PAPSS1: variants seen among roughly 807,000 people sequenced by gnomAD.
PAPSS1 encodes the protein bifunctional 3'-phosphoadenosine 5'-phosphosulfate synthase 1.
PAPSS1 carries 50 observed loss-of-function variants against 72.0 expected under a neutral mutation model. The observed-to-expected ratio is 0.69, with a 90% CI of 0.55 to 0.88. The LOEUF is 0.88. Ranked by LOEUF, PAPSS1 falls within the 40% of genes least tolerant of loss-of-function variation. The pLI is 0.00. For missense variants in PAPSS1, 657 were observed against 782.2 expected, an observed-to-expected ratio of 0.84 and a Z score of 1.91; for synonymous variants, 261 against 263.6, an observed-to-expected ratio of 0.99 and a Z score of 0.09.
chr4:107,656,082 T>C (rs930289877), intron 7 of PAPSS1, among the ~76,000 whole-genome samples: 3 of 152,332 alleles, frequency 2.0e-5, no homozygotes, highest in Middle Eastern at 3.4e-3. Context: ...TGCTGCATTA[T>C]AATGATTATA....
intron 10 of PAPSS1, among the ~76,000 whole-genome samples, chr4:107,639,690 T>C (rs2110308131): frequency 6.6e-6 from 1 of 152,306 alleles, no homozygotes; most frequent in Non-Finnish European, 1.5e-5. Context: ...AAGTAAAACT[T>C]AGGTGTCTAT....
chr4:107,664,099 A>C (rs2110325488), intron 5 of PAPSS1, among the ~76,000 whole-genome samples: 1 of 152,298 alleles, frequency 6.6e-6, no homozygotes, highest in African/African-American at 2.4e-5. Flanking sequence ...ATGAGCCTCC[A>C]TTTCCAATGC....
chr4:107,719,507 T>C (rs1194090404), intron 1 of PAPSS1, among the ~76,000 whole-genome samples: 1 of 152,230 alleles, frequency 6.6e-6, no homozygotes, highest in Admixed American at 6.5e-5. Flanking sequence ...TCCAAACTCC[T>C]ACTTGTTAAA....
intron 11 of PAPSS1, among the ~76,000 whole-genome samples, chr4:107,624,435 A>T (rs544395257): frequency 1.3e-5 from 2 of 152,310 alleles, no homozygotes; most frequent in South Asian, 4.1e-4. Context: ...GCCTGTTTCC[A>T]ACTATAGTAC....
At chr4:107,619,180 T>C (rs974945114) in intron 11 of PAPSS1, among the ~76,000 whole-genome samples, 29 of 152,172 alleles carry the variant, frequency 1.9e-4, no homozygotes, top group African/African-American at 6.8e-4. Flanking sequence ...GCCAGACCAA[T>C]TAAAGTCCTT....
chr4:107,663,854 A>T (rs1281551079), intron 5 of PAPSS1, among the ~76,000 whole-genome samples: 1 of 152,214 alleles, frequency 6.6e-6, no homozygotes, highest in African/African-American at 2.4e-5. Context: ...TATAGTTGAG[A>T]AGTATTGAAA....
intron 10 of PAPSS1, among the ~76,000 whole-genome samples, chr4:107,634,764 C>T (rs761953704): frequency 1.3e-5 from 2 of 148,422 alleles, no homozygotes; most frequent in Admixed American, 1.3e-4. Context: ...AAAAAATATT[C>T]ACAAGATCTA....
In PAPSS1 at chr4:107,631,671, T is replaced by C. The variant is rs967898635; in HGVS notation, c.1696A>G (p.Asn566Asp). ...TAGTCCATACGCTTCTTTTTCTTGT[T>C]GTAAGCTGCAACTCGAAAGGGAACT... ...EIVPFRVAAY[N>D]KKKKRMDYYD... The change falls in exon 11 of 12, where the codon AAC becomes GAC. Residue 566 changes from asparagine (N) to aspartate (D), a missense_variant. Asn to Asp is a conservative substitution (Grantham distance 23, BLOSUM62 1). Coordinates refer to ENST00000265174, the MANE Select transcript of PAPSS1 (RefSeq NM_005443.5). The C allele has an allele frequency of 2.5e-6, 4 of 1,614,098 alleles. No individual in the cohort carries two copies. The African/African-American group carries it at 5.3e-5, about 22-fold the overall frequency.
rs1439762557 is a variant in PAPSS1, at chr4:107,653,639, A to G, written c.1102-13T>C. ...GTTCCATCACCATCTAATAGGAAAA[A>G]CAAATTTTTTTAATGGAAACCGAGA... On this transcript the variant is annotated splice_polypyrimidine_tract_variant and intron_variant, in intron 8 of 11. Coordinates refer to ENST00000265174, the MANE Select transcript of PAPSS1 (RefSeq NM_005443.5). The G allele has an allele frequency of 1.2e-6, 2 of 1,606,126 alleles. No individual in the cohort carries two copies. Among genetic ancestry groups the G allele is most frequent in the South Asian group, 2.2e-5 (2 of 89,110 alleles).
chr4:107,655,571 T>A (rs981943977), intron 7 of PAPSS1, among the ~76,000 whole-genome samples: 8 of 152,262 alleles, frequency 5.3e-5, no homozygotes, highest in Non-Finnish European at 8.8e-5. Flanking sequence ...ATCTTTTTTC[T>A]ACTCATCATC....
At chr4:107,631,602 A>T in intron 11 of PAPSS1, 29 bp downstream of exon 11, 5 of 1,517,276 alleles carry the variant, frequency 3.3e-6, no homozygotes, top group Non-Finnish European at 4.5e-6. Context: ...AAGTACTTCA[A>T]AGATTTGTAC....
At chr4:107,672,567 T>C (rs1218896297) in intron 5 of PAPSS1, among the ~76,000 whole-genome samples, 2 of 152,172 alleles carry the variant, frequency 1.3e-5, no homozygotes, top group African/African-American at 2.4e-5. Flanking sequence ...CAAAGTGGCC[T>C]GGAAGCTGGA....
At chr4:107,712,503 C>T (rs921188227) in intron 1 of PAPSS1, among the ~76,000 whole-genome samples, 3 of 152,194 alleles carry the variant, frequency 2.0e-5, no homozygotes, top group Non-Finnish European at 2.9e-5. Context: ...ACCACAAAAA[C>T]TTATGCACAA....
In PAPSS1 at chr4:107,656,924, C is replaced by T; in HGVS notation, c.867G>A (p.Gln289=). Residue 289 remains glutamine, a synonymous_variant, in exon 7 of 12, where the codon CAG becomes CAA. Coordinates refer to ENST00000265174, the MANE Select transcript of PAPSS1 (RefSeq NM_005443.5). ...CCAGAAGACAATCAAAATGAAGGCACTGCAAGTACTCCCTCTCTCTCATAA... is the reference window on the plus strand; with the variant it reads ...CCAGAAGACAATCAAAATGAAGGCATTGCAAGTACTCCCTCTCTCTCATAA... ...NGFMREREYL[Q]CLHFDCLLDG... is the part of the protein sequence containing the mutation. The T allele has an allele frequency of 1.2e-6, 2 of 1,612,578 alleles. No homozygotes were observed. The highest frequency in any genetic ancestry group is 1.7e-4 in the Middle Eastern group (1 of 6,060).
intron 11 of PAPSS1, among the ~76,000 whole-genome samples, chr4:107,625,900 G>A (rs1247104169): frequency 6.6e-6 from 1 of 152,070 alleles, no homozygotes; most frequent in African/African-American, 2.4e-5. Context: ...GTATACTCTG[G>A]GCCGGGCGCG....
At chr4:107,692,195 G>A (rs1242972000) in intron 3 of PAPSS1, among the ~76,000 whole-genome samples, 1 of 152,086 alleles carries the variant, frequency 6.6e-6, no homozygotes, top group Non-Finnish European at 1.5e-5. Context: ...TGACAAATGG[G>A]ATCTAATTAA....
intron 10 of PAPSS1, among the ~76,000 whole-genome samples, chr4:107,633,712 G>A (rs1726282158): frequency 6.6e-6 from 1 of 152,030 alleles, no homozygotes; most frequent in Admixed American, 6.6e-5. Context: ...GAGGTCAGGA[G>A]ATTGAGACCA....
chr4:107,628,533 T>C (rs1312091164), intron 11 of PAPSS1, among the ~76,000 whole-genome samples: 1 of 152,190 alleles, frequency 6.6e-6, no homozygotes, highest in Non-Finnish European at 1.5e-5. Context: ...TAATGGTTAC[T>C]AGGCCATAGT....
chr4:107,626,908 C>CT (rs897739089), intron 11 of PAPSS1, among the ~76,000 whole-genome samples: 3 of 152,144 alleles, frequency 2.0e-5, no homozygotes, highest in African/African-American at 7.2e-5. Context: ...CCAGTTATTA[C>CT]TTATTAAGAT....
Sources: allele counts gnomAD v4.1 joint callset (sites outside exome capture counted in the v4.1 genomes callset), GRCh38; gene constraint gnomAD v4.1.1; transcripts MANE v1.5; gene names NCBI Gene and HGNC (gene_info 2026-07-23, HGNC 2026-07-21).